The following CLIC5 variants were observed in gnomAD, a reference collection of about 807,000 sequenced individuals.
The protein encoded by CLIC5 is chloride intracellular channel protein 5.
In CLIC5, 20 loss-of-function variants were observed where a neutral mutation model predicts 24.7. That is an observed-to-expected ratio of 0.81 (90% confidence interval 0.57 to 1.18). The LOEUF (loss-of-function observed/expected upper bound fraction) is 1.18, where lower values mean the gene tolerates loss of function less well. Ranked by LOEUF, CLIC5 falls within the 50% of genes most tolerant of loss-of-function variation. CLIC5 has a pLI of 0.00. For synonymous variants in CLIC5, 159 were observed against 135.6 expected (o/e 1.17, Z -1.20); for missense variants, 341 against 326.1 (o/e 1.05, Z -0.35).
At chr6:45,993,055 TGGTCCA>T (rs1240685303) in intron 1 of CLIC5, among the ~76,000 whole-genome samples, 1 of 152,228 alleles carries the variant, frequency 6.6e-6, no homozygotes, top group African/African-American at 2.4e-5. Context: ...AAAGCAGTTC[TGGTCCA>T]GTGATTCTTG....
chr6:46,007,492 A>G lies in CLIC5; in HGVS notation c.63+7988T>C, dbSNP rs1766628690. ...TATTCACTTCTGTATTCCACAACAC[A>G]CTCTGTCTTTTGGCCCTTGTTTGGA... On this transcript the variant is annotated intron_variant, in intron 1 of 5. Transcript: ENST00000339561. Among the ~76,000 whole-genome samples the G allele has an allele frequency of 7.9e-5, 12 of 152,198 alleles. No individual in the cohort carries two copies. In the South Asian group the frequency reaches 2.5e-3, roughly 32 times the overall value.
upstream of CLIC5, chr6:46,080,391 A>C (rs755564603): frequency 3.2e-6 from 2 of 626,798 alleles, no homozygotes; most frequent in Middle Eastern, 3.7e-4. Flanking sequence ...CAGGTCTCTA[A>C]CAATTATTTA....
chr6:45,963,798 C>T (rs532092624), intron 1 of CLIC5, among the ~76,000 whole-genome samples: 2 of 152,276 alleles, frequency 1.3e-5, no homozygotes, highest in South Asian at 4.2e-4. Context: ...GAATTTGCCT[C>T]ATTTCAATTA....
rs1317929009 is a variant in CLIC5, at chr6:45,996,591, TA to T, written c.63+18888del. Among the ~76,000 whole-genome samples, 3 of 152,214 alleles carry T rather than the reference TA, an allele frequency of 2.0e-5. 1 individual carries two copies. Among genetic ancestry groups the T allele is most frequent in the Middle Eastern group, 6.3e-3 (2 of 316 alleles). ...GCTAGCCAGTTTTCCCAGCACCATT[TA>T]TTAAATAGGGAATCCTTTCCCCATT... On this transcript the variant is annotated intron_variant, in intron 1 of 5. Transcript: ENST00000339561.
At chr6:46,099,203 T>C in the CLIC5 span, among the ~76,000 whole-genome samples, 1 of 152,178 alleles carries the variant, frequency 6.6e-6, no homozygotes, top group African/African-American at 2.4e-5. Context: ...TCCCCCAGAA[T>C]AGGGGTTGAG....
chr6:45,904,519 CCT>C (rs1161547062), intron 5 of CLIC5, among the ~76,000 whole-genome samples: 1 of 151,318 alleles, frequency 6.6e-6, no homozygotes, highest in Non-Finnish European at 1.5e-5. Flanking sequence ...ACAGGGCCCC[CCT>C]GTTTTCACTG....
rs1345579196 is a variant in CLIC5, at chr6:45,898,712, TC to T, written c.*4375del. The T allele has an allele frequency of 1.4e-4, 21 of 152,812 alleles. No individual in the cohort carries two copies. The East Asian group carries it at 4.1e-3, about 29-fold the overall frequency. 9.5% of individuals were successfully genotyped at this position (152,812 alleles called of 1,614,324 possible). ...CTTGTTCTTTTACAAAAGCTAAGCA[TC>T]TTTTGTTAAGCTAGTTAACTCCCCA... On this transcript the variant is annotated 3_prime_UTR_variant, in exon 6 of 6. Coordinates refer to ENST00000339561, the MANE Select transcript of CLIC5 (RefSeq NM_016929.5).
At chr6:45,915,409 C>A (rs74675496) in intron 4 of CLIC5, among the ~76,000 whole-genome samples, 368 of 152,236 alleles carry the variant, frequency 2.4e-3, no homozygotes, top group African/African-American at 8.5e-3. Context: ...GCTAACCCAA[C>A]CCAAGAAGAG....
intron 5 of CLIC5, among the ~76,000 whole-genome samples, chr6:45,904,281 A>G (rs936651827): frequency 6.6e-5 from 10 of 152,168 alleles, no homozygotes; most frequent in Admixed American, 2.6e-4. Flanking sequence ...CAAATAGTAA[A>G]TACTCAATAA....
At chr6:46,026,191 G>A (rs1767326745) in intron 1 of CLIC5, among the ~76,000 whole-genome samples, 1 of 152,098 alleles carries the variant, frequency 6.6e-6, no homozygotes, top group Admixed American at 6.5e-5. Flanking sequence ...AACAGCATTG[G>A]TCTAGCCTGA....
intron 6 of CLIC5, chr6:45,883,843 G>T (rs1229463786): frequency 3.9e-5 from 6 of 152,246 alleles, no homozygotes; most frequent in African/African-American, 1.4e-4. Context: ...AACAGAAGCA[G>T]AAGGAGAGCA....
rs771960869 is a variant in CLIC5, at chr6:45,899,987, A to C, written c.*3101T>G. On this transcript the variant is annotated 3_prime_UTR_variant, in exon 6 of 6. Coordinates refer to ENST00000339561, the MANE Select transcript of CLIC5 (RefSeq NM_016929.5). ...TGCTCACATCTGTGACTCTGAATTTATCAAGCATTTGACTTTCTTTATCAG... is the reference window on the plus strand; with the variant it reads ...TGCTCACATCTGTGACTCTGAATTTCTCAAGCATTTGACTTTCTTTATCAG... 9.2e-5 allele frequency: 14 copies of C among 152,214 alleles called. No individual in the cohort carries two copies. The highest frequency in any genetic ancestry group is 1.9e-4 in the Non-Finnish European group (13 of 68,038). The allele number at this position is 152,214 out of a possible 1,614,324, so 9.4% of individuals were successfully genotyped here. A position where few individuals can be genotyped will look rare whatever the true frequency, so the allele number is the denominator to read the frequency against.
intron 1 of CLIC5, among the ~76,000 whole-genome samples, chr6:46,042,741 T>C (rs1007458838): frequency 6.6e-6 from 1 of 152,168 alleles, no homozygotes; most frequent in Non-Finnish European, 1.5e-5. Flanking sequence ...CAAGATGACA[T>C]GGAGTATTGA....
intron 1 of CLIC5, among the ~76,000 whole-genome samples, chr6:46,004,564 G>A (rs1490580703): frequency 6.6e-6 from 1 of 152,218 alleles, no homozygotes; most frequent in African/African-American, 2.4e-5. Flanking sequence ...ACTGCATTGA[G>A]CTACTGTGTG....
chr6:45,934,303 G>C (rs1409178256), intron 4 of CLIC5: 3 of 152,134 alleles, frequency 2.0e-5, no homozygotes, highest in Non-Finnish European at 4.4e-5. Context: ...CGTGCTTTAT[G>C]CATCCCTGGG....
intron 6 of CLIC5, among the ~76,000 whole-genome samples, chr6:45,885,326 T>C (rs1307171859): frequency 2.0e-5 from 3 of 152,196 alleles, no homozygotes; most frequent in African/African-American, 7.2e-5. Flanking sequence ...CCAGCCATAC[T>C]GGCACCCTCA....
At chr6:46,077,721 T>C (rs1762809367) in intron 1 of CLIC5, among the ~76,000 whole-genome samples, 1 of 152,186 alleles carries the variant, frequency 6.6e-6, no homozygotes, top group Non-Finnish European at 1.5e-5. Flanking sequence ...CTCTATGGCC[T>C]TTCAGTTCAC....
At chr6:45,917,835 G>C (rs746349602) in intron 4 of CLIC5, among the ~76,000 whole-genome samples, 2 of 152,140 alleles carry the variant, frequency 1.3e-5, no homozygotes, top group African/African-American at 2.4e-5. Context: ...AGGAACAAGG[G>C]GGATGTGAAA....
At chr6:46,049,628 T>A (rs964983073) in intron 1 of CLIC5, among the ~76,000 whole-genome samples, 1 of 152,174 alleles carries the variant, frequency 6.6e-6, no homozygotes, top group African/African-American at 2.4e-5. Flanking sequence ...GCAAGAGCAG[T>A]CAACCTGGCT....
Sources: allele counts gnomAD v4.1 joint callset (sites outside exome capture counted in the v4.1 genomes callset), GRCh38; gene constraint gnomAD v4.1.1; transcripts MANE v1.5; gene names NCBI Gene and HGNC (gene_info 2026-07-23, HGNC 2026-07-21).